The following DYDC1 variants were observed in gnomAD, a reference collection of about 807,000 sequenced individuals.
DYDC1 encodes DPY30 domain containing 1, also known as DPY30 domain-containing protein 1.
A neutral mutation model predicts 27.9 loss-of-function variants in DYDC1; 21 were observed. The ratio of observed to expected loss-of-function variants is 0.75; its 90% CI spans 0.53 to 1.08. The LOEUF (loss-of-function observed/expected upper bound fraction) is 1.08. DYDC1 is among the 50% of genes least tolerant of loss of function. The pLI is 0.00. For synonymous variants in DYDC1, 67 were observed against 65.8 expected, an observed-to-expected ratio of 1.02 and a Z score of -0.09; for missense variants, 202 against 205.9, an observed-to-expected ratio of 0.98 and a Z score of 0.12.
intron 5 of DYDC1, 102 bp downstream of exon 5, chr10:80,338,995 T>C (rs527471882): frequency 1.4e-4 from 85 of 604,950 alleles, no homozygotes; most frequent in African/African-American, 1.4e-3. Flanking sequence ...GTTTTGATAA[T>C]ATACTTGCTA....
chr10:80,354,342 TG>T (rs1343273875), intron 1 of DYDC1: 1 of 150,608 alleles, frequency 6.6e-6, no homozygotes, highest in Non-Finnish European at 1.5e-5. Context: ...CAAAATTATC[TG>T]GGCGTGGTGG....
At chr10:80,352,407 G>A in intron 2 of DYDC1, 48 bp downstream of exon 2, 1 of 1,501,482 alleles carries the variant, frequency 6.7e-7, no homozygotes, top group Non-Finnish European at 8.9e-7. Flanking sequence ...CAGACAAGTT[G>A]GACCAGTTTT....
intron 3 of DYDC1, among the ~76,000 whole-genome samples, chr10:80,348,635 A>G (rs1005531444): frequency 2.0e-5 from 3 of 152,270 alleles, no homozygotes; most frequent in Non-Finnish European, 4.4e-5. Flanking sequence ...AAATTTCCAT[A>G]TTCTGAAATC....
chr10:80,343,633 G>A (rs1193482150), intron 3 of DYDC1, among the ~76,000 whole-genome samples: 1 of 151,608 alleles, frequency 6.6e-6, no homozygotes, highest in Non-Finnish European at 1.5e-5. Flanking sequence ...AAAAAAAAAA[G>A]AAAAATAGTG....
chr10:80,345,720 T>A (rs191245798), intron 3 of DYDC1, among the ~76,000 whole-genome samples: 120 of 152,308 alleles, frequency 7.9e-4, no homozygotes, highest in Middle Eastern at 3.4e-3. Context: ...TCACTTAACA[T>A]CATGTCCTTC....
chr10:80,337,316 C>A (rs1349657101), intron 6 of DYDC1: 1 of 985,360 alleles, frequency 1.0e-6, no homozygotes, highest in Admixed American at 6.1e-5. Flanking sequence ...TAGCTCCCTG[C>A]ATAGTGCCAA....
At chr10:80,346,836 A>T (rs569538544) in intron 3 of DYDC1, among the ~76,000 whole-genome samples, 1 of 151,792 alleles carries the variant, frequency 6.6e-6, no homozygotes, top group East Asian at 2.0e-4. Context: ...ACACTTTGGG[A>T]GGCCGAGGTG....
At chr10:80,343,962 C>CA (rs879699968) in intron 3 of DYDC1, among the ~76,000 whole-genome samples, 17 of 151,344 alleles carry the variant, frequency 1.1e-4, no homozygotes, top group Non-Finnish European at 2.1e-4. Context: ...CTAAAAATAC[C>CA]AAAAAAAATT....
At chr10:80,346,392 T>C (rs72815337) in intron 3 of DYDC1, among the ~76,000 whole-genome samples, 12,677 of 151,024 alleles carry the variant, frequency 0.084, 629 homozygotes, top group Middle Eastern at 0.12. Context: ...ATCAACAGTG[T>C]AGAAGAGTTC....
intron 4 of DYDC1, among the ~76,000 whole-genome samples, chr10:80,339,610 T>C (rs1418669873): frequency 1.3e-5 from 2 of 152,104 alleles, no homozygotes; most frequent in Non-Finnish European, 2.9e-5. Context: ...AGCAATGCCC[T>C]CTTTAATACT....
At position 80,352,586 on chromosome 10, in the gene DYDC1, G is replaced by A. The variant is rs761103297; in HGVS notation, c.16C>T (p.Leu6Phe). The change falls in exon 2 of 7, where the codon CTT becomes TTT. Residue 6 changes from leucine (L) to phenylalanine (F), a missense_variant. By Grantham distance (22) the Leu-to-Phe change is conservative (BLOSUM62 0). Coordinates refer to ENST00000372202, the MANE Select transcript of DYDC1 (RefSeq NM_001269053.2). ...AAACAGGCCCCAAGGTGCTTTTGAAGATATATTGACTCCATTTCTAACTCC... is the reference window on the plus strand; with the variant it reads ...AAACAGGCCCCAAGGTGCTTTTGAAAATATATTGACTCCATTTCTAACTCC... The part of the protein sequence containing the change: MESIY[L>F]QKHLGACLTQ... 6.2e-7 allele frequency: 1 copy of A among 1,606,366 alleles called. No individual in the cohort carries two copies.
chr10:80,342,389 C>T, intron 3 of DYDC1, 28 bp from the exon 4 acceptor site: 1 of 1,605,362 alleles, frequency 6.2e-7, no homozygotes, highest in Non-Finnish European at 8.5e-7. Context: ...TGTCATATTA[C>T]AGTTAGATTA....
intron 3 of DYDC1, among the ~76,000 whole-genome samples, chr10:80,347,267 A>G (rs1290898515): frequency 1.2e-5 from 1 of 84,990 alleles, no homozygotes; most frequent in Non-Finnish European, 2.4e-5. Flanking sequence ...CCATTTTTTA[A>G]TTGGGATCCT....
chr10:80,348,619 C>T (rs1459311560), intron 3 of DYDC1, among the ~76,000 whole-genome samples: 1 of 152,172 alleles, frequency 6.6e-6, no homozygotes, highest in African/African-American at 2.4e-5. Flanking sequence ...AACGTAAGTG[C>T]AAAGGAAATT....
intron 3 of DYDC1, among the ~76,000 whole-genome samples, chr10:80,348,597 T>C (rs1821052078): frequency 6.6e-6 from 1 of 152,208 alleles, no homozygotes; most frequent in Non-Finnish European, 1.5e-5. Flanking sequence ...TCCAGAGTGT[T>C]TGTAAGGCCT....
chr10:80,344,720 C>G (rs1842506283), intron 3 of DYDC1: 1 of 305,100 alleles, frequency 3.3e-6, no homozygotes, highest in African/African-American at 2.3e-5. Flanking sequence ...GGGGTTTCCA[C>G]TTTTGCTTCT....
rs575466146 is a variant in DYDC1, at chr10:80,340,646, T to C, written c.343-1493A>G. Among the ~76,000 whole-genome samples the C allele has an allele frequency of 2.7e-4, 41 of 152,366 alleles. No homozygotes were observed. The South Asian group carries it at 8.1e-3, about 30-fold the overall frequency. ...GATCACTGCCTTCTTGATATGTTCC[T>C]GTATTTTCTCTTTCAGTTTAGATCC... On this transcript the variant is annotated intron_variant, in intron 4 of 6. Transcript: ENST00000372202.
chr10:80,352,997 G>C (rs2132841674), intron 1 of DYDC1, among the ~76,000 whole-genome samples: 1 of 152,256 alleles, frequency 6.6e-6, no homozygotes, highest in Non-Finnish European at 1.5e-5. Context: ...GACAGCGTAA[G>C]TGCACAGTTC....
intron 5 of DYDC1, among the ~76,000 whole-genome samples, 174 bp downstream of exon 5, chr10:80,338,922 GA>G (rs2132742278): frequency 6.6e-6 from 1 of 152,242 alleles, no homozygotes; most frequent in East Asian, 1.9e-4. Flanking sequence ...CCTATTGTGA[GA>G]TTTTGCTTCA....
Sources: gnomAD v4.1 joint callset for allele counts (sites outside exome capture counted in the v4.1 genomes callset) on GRCh38, gnomAD v4.1.1 for gene constraint, MANE v1.5 for transcripts, NCBI Gene and HGNC (gene_info 2026-07-23, HGNC 2026-07-21) for gene names.